KLHL24: variants seen among roughly 807,000 people sequenced by gnomAD.
KLHL24 encodes kelch-like protein 24.
KLHL24 carries 29 observed loss-of-function variants against 53.4 expected under a neutral mutation model. The observed-to-expected ratio is 0.54, with a 90% confidence interval of 0.40 to 0.74. The LOEUF (loss-of-function observed/expected upper bound fraction) is 0.74. Ranked by LOEUF, KLHL24 falls within the 30% of genes least tolerant of loss-of-function variation. The pLI is 0.00. For synonymous variants in KLHL24, 222 were observed against 253.7 expected (o/e 0.88, Z 1.19); for missense variants, 504 against 744.0 (o/e 0.68, Z 3.75).
At chr3:183,657,837 CTCT>C (rs1719126695) in intron 3 of KLHL24, among the ~76,000 whole-genome samples, 1 of 152,146 alleles carries the variant, frequency 6.6e-6, no homozygotes, top group African/African-American at 2.4e-5. Flanking sequence ...GTAAATCTCC[CTCT>C]TCTTAACCCT....
intron 3 of KLHL24, among the ~76,000 whole-genome samples, chr3:183,651,923 G>A (rs1161042159): frequency 6.7e-6 from 1 of 149,220 alleles, no homozygotes; most frequent in Non-Finnish European, 1.5e-5. Flanking sequence ...TCCAGCCTGG[G>A]CAACAGAGTG....
chr3:183,667,308 C>T (rs1018566238), intron 5 of KLHL24, among the ~76,000 whole-genome samples: 6 of 152,166 alleles, frequency 3.9e-5, no homozygotes, highest in East Asian at 1.9e-4. Context: ...CCCAGCTACT[C>T]GGGAGGCTGA....
chr3:183,659,938 C>T (rs10937144), intron 3 of KLHL24, among the ~76,000 whole-genome samples: 50,879 of 151,878 alleles, frequency 0.33, 9,370 homozygotes, highest in African/African-American at 0.49. Context: ...TGCCCAATAG[C>T]AACCGTTAAT....
rs1346971755 is a variant in KLHL24 at position 183,683,593 on chromosome 3, T to C, written c.*4307T>C. On this transcript the variant is annotated 3_prime_UTR_variant, in exon 8 of 8. Transcript: ENST00000242810. ...TGAATGAATAATTCCAGAGACACTT[T>C]AGACATTTTTTAATGTTTTATATGA... 1 of 152,650 alleles carries C rather than the reference T, an allele frequency of 6.6e-6. No individual in the cohort carries two copies. Among genetic ancestry groups the C allele is most frequent in the Non-Finnish European group, 1.5e-5 (1 of 68,036 alleles). 9.5% of individuals were successfully genotyped at this position (152,650 alleles called of 1,614,324 possible). A position where few individuals can be genotyped will look rare whatever the true frequency, so the allele number is the denominator to read the frequency against.
Position 183,680,797 on chromosome 3 carries a change from T to C in KLHL24, c.*1511T>C. ...TTTAGGGATGTTCTAGGTAGCCTGCTGTAGTTTGACTTCCAGTCACTGTTG... is the reference window on the plus strand; with the variant it reads ...TTTAGGGATGTTCTAGGTAGCCTGCCGTAGTTTGACTTCCAGTCACTGTTG... On this transcript the variant is annotated 3_prime_UTR_variant, in exon 8 of 8. Coordinates refer to ENST00000242810, the MANE Select transcript of KLHL24 (RefSeq NM_017644.3). 6.6e-6 allele frequency: 1 copy of C among 152,356 alleles called. No individual in the cohort carries two copies. Among genetic ancestry groups the C allele is most frequent in the Non-Finnish European group, 1.5e-5 (1 of 68,024 alleles). The allele number at this position is 152,356 out of a possible 1,614,324, so 9.4% of individuals were successfully genotyped here.
chr3:183,639,522 C>T (rs976246968), intron 1 of KLHL24, among the ~76,000 whole-genome samples: 36 of 144,282 alleles, frequency 2.5e-4, no homozygotes, highest in Non-Finnish European at 5.0e-4. Flanking sequence ...CCCAGCTACT[C>T]GGGAGGCTGA....
At chr3:183,640,218 G>A in intron 1 of KLHL24, among the ~76,000 whole-genome samples, 1 of 152,306 alleles carries the variant, frequency 6.6e-6, no homozygotes, top group East Asian at 1.9e-4. Flanking sequence ...AGGGCAGCTT[G>A]GTATACCACG....
intron 7 of KLHL24, among the ~76,000 whole-genome samples, chr3:183,677,587 CA>C (rs1301147870): frequency 6.6e-6 from 1 of 151,986 alleles, no homozygotes; most frequent in Non-Finnish European, 1.5e-5. Context: ...TTATATAAAG[CA>C]AATTTGGTCA....
rs1712466664 is a variant in KLHL24, at chr3:183,679,513, G to A, written c.*227G>A. The A allele has an allele frequency of 6.1e-6, 3 of 494,044 alleles. No individual in the cohort carries two copies. The highest frequency in any genetic ancestry group is 1.1e-5 in the Non-Finnish European group (3 of 277,732). The allele number at this position is 494,044 out of a possible 1,614,324, so 30.6% of individuals were successfully genotyped here. The stretch of plus-strand genomic sequence containing the variant: ...TAAAGGTAATGGTGGTTGTTACTTG[G>A]CCTTTGAAGAGTGTACCTTTGTAAG... On this transcript the variant is annotated 3_prime_UTR_variant, in exon 8 of 8. Transcript: ENST00000242810.
chr3:183,678,311 C>G (rs953101584), intron 7 of KLHL24, among the ~76,000 whole-genome samples: 1 of 152,126 alleles, frequency 6.6e-6, no homozygotes, highest in African/African-American at 2.4e-5. Context: ...TTCATTCATT[C>G]AATTTTTGGG....
rs562760710 is a variant in KLHL24 at position 183,639,485 on chromosome 3, C to A, written c.-125+3692C>A. Among the ~76,000 whole-genome samples, 53 of 151,654 alleles carry A rather than the reference C, an allele frequency of 3.5e-4. No individual in the cohort carries two copies. In the South Asian group the frequency reaches 0.011, roughly 32 times the overall value. Reference sequence around the variant, plus strand: ...CTCTACTAAAAATACAAAAAATTAGCCGGGCGTAGCGGCGGGCGCCTGTAG... The same window carrying A: ...CTCTACTAAAAATACAAAAAATTAGACGGGCGTAGCGGCGGGCGCCTGTAG... On this transcript the variant is annotated intron_variant, in intron 1 of 7. Transcript: ENST00000242810.
At chr3:183,640,012 G>A (rs1174131801) in intron 1 of KLHL24, among the ~76,000 whole-genome samples, 2 of 152,142 alleles carry the variant, frequency 1.3e-5, no homozygotes, top group Non-Finnish European at 1.5e-5. Context: ...GTGACAGAGC[G>A]AGACTCCATC....
chr3:183,653,156 T>C (rs1718365592), intron 3 of KLHL24, among the ~76,000 whole-genome samples: 1 of 152,226 alleles, frequency 6.6e-6, no homozygotes, highest in Admixed American at 6.5e-5. Context: ...AGTATCACCG[T>C]TCTTTAAGAG....
Position 183,682,115 on chromosome 3 carries a change from T to C in KLHL24, c.*2829T>C, listed in dbSNP as rs1041538468. On this transcript the variant is annotated 3_prime_UTR_variant, in exon 8 of 8. Transcript: ENST00000242810. ...GATGAGTATTAGTAACGATGACTTATGTATAATCAGAATCTTTATGACAAT... is the reference window on the plus strand; with the variant it reads ...GATGAGTATTAGTAACGATGACTTACGTATAATCAGAATCTTTATGACAAT... The C allele has an allele frequency of 1.3e-5, 2 of 152,176 alleles. No homozygotes were observed. The highest frequency in any genetic ancestry group is 2.4e-5 in the African/African-American group (1 of 41,460). 9.4% of individuals were successfully genotyped at this position (152,176 alleles called of 1,614,324 possible). A position where few individuals can be genotyped will look rare whatever the true frequency, so the allele number is the denominator to read the frequency against.
intron 2 of KLHL24, among the ~76,000 whole-genome samples, chr3:183,646,413 C>T (rs529582927): frequency 1.6e-4 from 24 of 151,476 alleles, no homozygotes; most frequent in Non-Finnish European, 3.4e-4. Context: ...ACTCTCCACC[C>T]TAGTGATTTC....
At chr3:183,637,558 T>G (rs940373331) in intron 1 of KLHL24, among the ~76,000 whole-genome samples, 2 of 152,196 alleles carry the variant, frequency 1.3e-5, no homozygotes, top group Non-Finnish European at 2.9e-5. Flanking sequence ...TGAAAATGGT[T>G]TTTCTAATCG....
intron 3 of KLHL24, among the ~76,000 whole-genome samples, chr3:183,652,212 G>T (rs1384697205): frequency 1.3e-5 from 2 of 152,112 alleles, no homozygotes; most frequent in African/African-American, 4.8e-5. Flanking sequence ...GTAGAATGCA[G>T]TTAAATATTG....
At chr3:183,656,567 A>G (rs1475484367) in intron 3 of KLHL24, among the ~76,000 whole-genome samples, 1 of 152,198 alleles carries the variant, frequency 6.6e-6, no homozygotes, top group East Asian at 1.9e-4. Context: ...AATTTCATCT[A>G]ATAAATACTT....
At chr3:183,677,397 G>T (rs1330133352) in intron 7 of KLHL24, among the ~76,000 whole-genome samples, 3 of 152,070 alleles carry the variant, frequency 2.0e-5, no homozygotes, top group African/African-American at 4.8e-5. Flanking sequence ...CAATTCATGG[G>T]GGTGTGGTAT....
Sources: gnomAD v4.1 joint callset for allele counts (sites outside exome capture counted in the v4.1 genomes callset) on GRCh38, gnomAD v4.1.1 for gene constraint, MANE v1.5 for transcripts, NCBI Gene and HGNC (gene_info 2026-07-23, HGNC 2026-07-21) for gene names.